Variants in SSPN observed in about 807,000 individuals in gnomAD.
The protein encoded by SSPN is sarcospan.
In SSPN, 15 loss-of-function variants were observed where a neutral mutation model predicts 19.1. That is an observed-to-expected ratio of 0.78 (90% CI 0.52 to 1.21). The LOEUF (loss-of-function observed/expected upper bound fraction) is 1.21, where lower values mean the gene tolerates loss of function less well. SSPN is among the 50% of genes most tolerant of loss of function. SSPN has a pLI of 0.00. For missense variants in SSPN, 291 were observed against 314.0 expected (o/e 0.93, Z 0.55); for synonymous variants, 147 against 140.3 (o/e 1.05, Z -0.34).
Position 26,232,421 on chromosome 12 carries a change from A to G in SSPN, c.*1345A>G. ...AACTGTATCCATATTTTAAGGAAGG[A>G]GCTAAAAATGGAAATTCATGAAACA... On this transcript the variant is annotated 3_prime_UTR_variant, in exon 3 of 3. Transcript: ENST00000242729. 1 of 985,406 alleles carries G rather than the reference A, an allele frequency of 1.0e-6. No individual in the cohort carries two copies. The highest frequency in any genetic ancestry group is 1.2e-6 in the Non-Finnish European group (1 of 829,902). 61.0% of individuals were successfully genotyped at this position (985,406 alleles called of 1,614,324 possible). A position where few individuals can be genotyped will look rare whatever the true frequency, so the allele number is the denominator to read the frequency against.
upstream of SSPN, among the ~76,000 whole-genome samples, chr12:26,194,022 A>G (rs1300609270): frequency 6.6e-6 from 1 of 152,224 alleles, no homozygotes; most frequent in African/African-American, 2.4e-5. Flanking sequence ...TAAATTTTCC[A>G]ATAGCAAACA....
chr12:26,124,908 G>A (rs532750535), intron 1 of SSPN: 523 of 938,618 alleles, frequency 5.6e-4, no homozygotes, highest in Non-Finnish European at 7.0e-4. Flanking sequence ...TCCCTCTTCA[G>A]TGCAGTGTTG....
At chr12:26,122,744 G>A (rs1312587985) in intron 1 of SSPN, 7 of 1,595,894 alleles carry the variant, frequency 4.4e-6, no homozygotes, top group Non-Finnish European at 4.3e-6. Flanking sequence ...TCGCCCCCGC[G>A]CCTTTGCCTT....
intron 1 of SSPN, among the ~76,000 whole-genome samples, chr12:26,205,959 G>A (rs754331544): frequency 1.3e-5 from 2 of 152,138 alleles, no homozygotes; most frequent in East Asian, 1.9e-4. Flanking sequence ...AAAGGGCTTC[G>A]GTGTGCATTA....
intron 1 of SSPN, among the ~76,000 whole-genome samples, chr12:26,163,683 A>AG (rs1334900869): frequency 6.6e-6 from 1 of 152,228 alleles, no homozygotes; most frequent in Non-Finnish European, 1.5e-5. Context: ...CACCTCTTAA[A>AG]GGCCCCACCT....
intron 1 of SSPN, among the ~76,000 whole-genome samples, chr12:26,157,023 A>G (rs183740234): frequency 1.1e-3 from 162 of 152,276 alleles, no homozygotes; most frequent in African/African-American, 3.5e-3. Flanking sequence ...GTATTGGGGG[A>G]AAAGGTTTAG....
chr12:26,187,940 T>C (rs148884046), intron 1 of SSPN, among the ~76,000 whole-genome samples: 40 of 152,102 alleles, frequency 2.6e-4, no homozygotes, highest in African/African-American at 7.7e-4. Context: ...CGAAGAGAAA[T>C]TGCACAGAAA....
intron 1 of SSPN, among the ~76,000 whole-genome samples, chr12:26,161,092 A>G (rs1944585453): frequency 7.5e-6 from 1 of 132,668 alleles, no homozygotes; most frequent in Non-Finnish European, 1.6e-5. Flanking sequence ...TGGGTGACAG[A>G]GAAAGACTCT....
intron 1 of SSPN, among the ~76,000 whole-genome samples, chr12:26,198,385 C>T (rs542974561): frequency 2.0e-5 from 3 of 152,198 alleles, no homozygotes; most frequent in African/African-American, 7.2e-5. Context: ...GGACAAGTTA[C>T]TTAACTTCTC....
At chr12:26,190,357 T>C (rs1302944616), upstream of SSPN, among the ~76,000 whole-genome samples, 5 of 152,196 alleles carry the variant, frequency 3.3e-5, no homozygotes, top group Admixed American at 3.3e-4. Context: ...CAAGCAGCCC[T>C]GTGGATAGGC....
At chr12:26,178,994 G>A (rs1254041664) in intron 1 of SSPN, among the ~76,000 whole-genome samples, 20 of 152,184 alleles carry the variant, frequency 1.3e-4, no homozygotes, top group Non-Finnish European at 2.9e-5. Flanking sequence ...TACAGTGTAG[G>A]AGGGAACATA....
chr12:26,227,204 A>G (rs1385859822), intron 2 of SSPN, among the ~76,000 whole-genome samples: 3 of 152,136 alleles, frequency 2.0e-5, no homozygotes, highest in Non-Finnish European at 2.9e-5. Flanking sequence ...TTGCTGTCAG[A>G]TGAGTTAAAA....
intron 1 of SSPN, among the ~76,000 whole-genome samples, chr12:26,146,164 G>T (rs1399954582): frequency 6.6e-6 from 1 of 152,172 alleles, no homozygotes; most frequent in African/African-American, 2.4e-5. Flanking sequence ...AGCAAAGTGG[G>T]GCAGGTGGTG....
intron 1 of SSPN, among the ~76,000 whole-genome samples, chr12:26,127,781 G>C (rs10431216): frequency 0.77 from 116,365 of 151,972 alleles, 45,063 homozygotes; most frequent in East Asian, 0.95. Context: ...ACTCTTCTTG[G>C]TTACCCACTT....
intron 1 of SSPN, among the ~76,000 whole-genome samples, chr12:26,157,967 G>A (rs1944565426): frequency 6.6e-6 from 1 of 151,792 alleles, no homozygotes; most frequent in Admixed American, 6.6e-5. Flanking sequence ...CTTATGACCT[G>A]TGGTAAAGTA....
intron 1 of SSPN, among the ~76,000 whole-genome samples, chr12:26,160,294 A>G (rs1412273707): frequency 6.6e-6 from 1 of 152,200 alleles, no homozygotes; most frequent in Non-Finnish European, 1.5e-5. Context: ...GTACAAATGA[A>G]CACTTATTTT....
chr12:26,222,601 A>G (rs1945133500), intron 1 of SSPN, among the ~76,000 whole-genome samples: 1 of 152,224 alleles, frequency 6.6e-6, no homozygotes, highest in South Asian at 2.1e-4. Context: ...AATTGTGCTT[A>G]TCAGGAAATG....
chr12:26,162,708 A>G (rs1030905032), intron 1 of SSPN, among the ~76,000 whole-genome samples: 3 of 151,156 alleles, frequency 2.0e-5, no homozygotes, highest in Non-Finnish European at 2.9e-5. Flanking sequence ...ACAATTTACT[A>G]AAGCTCAAAT....
chr12:26,146,818 T>TGAAAAAAAAAAA (rs1555176201), intron 1 of SSPN, among the ~76,000 whole-genome samples: 13 of 105,178 alleles, frequency 1.2e-4, no homozygotes, highest in Non-Finnish European at 2.4e-4. Context: ...CAAGGCTGTC[T>TGAAAAAAAAAAA]AAAAAAAAAA....
Sources: gnomAD v4.1 joint callset for allele counts (sites outside exome capture counted in the v4.1 genomes callset) on GRCh38, gnomAD v4.1.1 for gene constraint, MANE v1.5 for transcripts, NCBI Gene and HGNC (gene_info 2026-07-23, HGNC 2026-07-21) for gene names.